The following GABRB2 variants were observed in gnomAD, a reference collection of about 807,000 sequenced individuals.
GABRB2 encodes the protein gamma-aminobutyric acid type A receptor subunit beta2, also known as gamma-aminobutyric acid receptor subunit beta-2.
In GABRB2, 16 loss-of-function variants were observed where a neutral mutation model predicts 54.7. The observed-to-expected ratio is 0.29, with a 90% CI of 0.20 to 0.44. The LOEUF is 0.44. GABRB2 is among the 20% of genes least tolerant of loss of function. GABRB2 has a pLI of 1.00. For missense variants in GABRB2, 355 were observed against 644.0 expected (o/e 0.55, Z 4.86); for synonymous variants, 244 against 233.8 (o/e 1.04, Z -0.40).
chr5:161,334,237 GA>G (rs35429555), intron 7 of GABRB2, among the ~76,000 whole-genome samples: 3,302 of 152,132 alleles, frequency 0.022, 57 homozygotes, highest in Non-Finnish European at 0.034. Flanking sequence ...GTGTTTGTTA[GA>G]AAAAAACAGC....
In GABRB2 at chr5:161,294,247, C is replaced by G. The variant is rs80241240; in HGVS notation, c.1373G>C (p.Arg458Pro). The G allele has an allele frequency of 6.2e-7, 1 of 1,614,114 alleles. No individual in the cohort carries two copies. Among genetic ancestry groups the G allele is most frequent in the South Asian group, 1.1e-5 (1 of 91,066 alleles). Residue 458 changes from arginine (R) to proline (P), a missense_variant, in exon 10 of 10, where the codon CGA becomes CCA. Arg to Pro is a moderately radical substitution (Grantham distance 103). Coordinates refer to ENST00000393959, the MANE Select transcript of GABRB2 (RefSeq NM_001371727.1). Reference protein sequence around the residue: ...RHSFGRNALERHVAQKKSRLR... With the variant: ...RHSFGRNALEPHVAQKKSRLR... ...GCGACTTTTCTTTTGCGCCACATGTCGTTCCAGAGCATTTCGGCCAAAACT... is the reference window on the plus strand; with the variant it reads ...GCGACTTTTCTTTTGCGCCACATGTGGTTCCAGAGCATTTCGGCCAAAACT...
At chr5:161,353,969 T>C (rs1192009810) in intron 5 of GABRB2, among the ~76,000 whole-genome samples, 1 of 152,070 alleles carries the variant, frequency 6.6e-6, no homozygotes, top group African/African-American at 2.4e-5. Context: ...CCAAACTACA[T>C]TATCTTTATA....
intron 5 of GABRB2, among the ~76,000 whole-genome samples, chr5:161,337,022 C>T (rs1754014276): frequency 6.6e-6 from 1 of 152,056 alleles, no homozygotes; most frequent in South Asian, 2.1e-4. Flanking sequence ...GAGAAATTAA[C>T]AGCATAGATT....
intron 5 of GABRB2, among the ~76,000 whole-genome samples, chr5:161,371,721 G>GT (rs59521505): frequency 2.8e-4 from 43 of 151,028 alleles, no homozygotes; most frequent in Middle Eastern, 3.4e-3. Context: ...AAATGTTGGG[G>GT]TTTTTTTTTA....
At chr5:161,530,615 G>T (rs914017474) in intron 3 of GABRB2, among the ~76,000 whole-genome samples, 2 of 152,164 alleles carry the variant, frequency 1.3e-5, no homozygotes, top group Admixed American at 1.3e-4. Flanking sequence ...CCTCAAAATT[G>T]CAGTCTAAGA....
At chr5:161,383,291 C>A (rs557440857) in intron 5 of GABRB2, among the ~76,000 whole-genome samples, 25 of 152,226 alleles carry the variant, frequency 1.6e-4, no homozygotes, top group East Asian at 1.2e-3. Flanking sequence ...CTGGGAATCA[C>A]CATTCTACTC....
intron 3 of GABRB2, among the ~76,000 whole-genome samples, chr5:161,482,748 G>T (rs985346457): frequency 9.9e-5 from 15 of 152,056 alleles, no homozygotes; most frequent in African/African-American, 3.6e-4. Flanking sequence ...AGTTTGACAA[G>T]GCTAATAAAA....
At chr5:161,470,251 T>A (rs1758399882) in intron 3 of GABRB2, among the ~76,000 whole-genome samples, 1 of 151,762 alleles carries the variant, frequency 6.6e-6, no homozygotes, top group Non-Finnish European at 1.5e-5. Context: ...GTTATTTAGA[T>A]GAGGGGAATA....
chr5:161,342,214 T>C (rs1443812504), intron 5 of GABRB2, among the ~76,000 whole-genome samples: 6 of 151,772 alleles, frequency 4.0e-5, no homozygotes, highest in Non-Finnish European at 8.8e-5. Flanking sequence ...TTCAGTCTTT[T>C]AAGAACCATC....
rs1757243842 is a variant in GABRB2 at position 161,291,770 on chromosome 5, G to C, written c.*2311C>G. 1 of 152,382 alleles carries C rather than the reference G, an allele frequency of 6.6e-6. No individual in the cohort carries two copies. Among genetic ancestry groups the C allele is most frequent in the South Asian group, 2.1e-4 (1 of 4,808 alleles). 9.4% of individuals were successfully genotyped at this position (152,382 alleles called of 1,614,324 possible). A position where few individuals can be genotyped will look rare whatever the true frequency, so the allele number is the denominator to read the frequency against. ...TGGCTTGTACAGTGATTGCACATAA[G>C]AGCCCACTTCTACACTTGGGCTCTG... On this transcript the variant is annotated 3_prime_UTR_variant, in exon 10 of 10. Coordinates refer to ENST00000393959, the MANE Select transcript of GABRB2 (RefSeq NM_001371727.1).
At chr5:161,494,538 C>T (rs1230783765) in intron 3 of GABRB2, among the ~76,000 whole-genome samples, 2 of 146,142 alleles carry the variant, frequency 1.4e-5, no homozygotes, top group African/African-American at 5.0e-5. Flanking sequence ...GTTAGGTATG[C>T]GTGTGTGTGT....
intron 3 of GABRB2, among the ~76,000 whole-genome samples, chr5:161,482,697 C>T (rs555758857): frequency 1.3e-5 from 2 of 152,106 alleles, no homozygotes; most frequent in Admixed American, 1.3e-4. Context: ...GCCCCTATGG[C>T]GTACAAGCCC....
At chr5:161,369,445 C>T (rs529457164) in intron 5 of GABRB2, among the ~76,000 whole-genome samples, 16 of 151,492 alleles carry the variant, frequency 1.1e-4, no homozygotes, top group East Asian at 3.9e-4. Flanking sequence ...TTTATAAAGA[C>T]GAAATTTATA....
rs73797564 is a variant in GABRB2, at chr5:161,307,598, T to C, written c.1192-13170A>G. 7.7e-3 allele frequency among the ~76,000 whole-genome samples: 1,167 copies of C among 152,260 alleles called. 15 individuals carry two copies. The highest frequency in any genetic ancestry group is 0.025 in the African/African-American group (1,047 of 41,558). On this transcript the variant is annotated intron_variant, in intron 9 of 9. Coordinates refer to ENST00000393959, the MANE Select transcript of GABRB2 (RefSeq NM_001371727.1). The stretch of plus-strand genomic sequence containing the variant: ...AGCCTTCGTTTCTTCATCTTTCAAA[T>C]GAAGTTCTATGACCTAATCTTAAAA...
intron 3 of GABRB2, among the ~76,000 whole-genome samples, chr5:161,507,731 G>A (rs1333996398): frequency 6.6e-6 from 1 of 151,976 alleles, no homozygotes; most frequent in Non-Finnish European, 1.5e-5. Flanking sequence ...ATGCAAAGTG[G>A]CCAATAGGCA....
intron 4 of GABRB2, among the ~76,000 whole-genome samples, chr5:161,417,913 T>C (rs1162933155): frequency 6.6e-6 from 1 of 152,244 alleles, no homozygotes. Context: ...CATAGTCATA[T>C]GCACTACTAC....
chr5:161,545,111 A>T, intron 3 of GABRB2, 116 bp downstream of exon 3: 21 of 574,654 alleles, frequency 3.7e-5, no homozygotes, highest in East Asian at 7.1e-5. Context: ...CCATGCTCTC[A>T]CCCCCACCTC....
At chr5:161,463,555 TTA>T (rs869302091) in intron 3 of GABRB2, among the ~76,000 whole-genome samples, 12 of 23,692 alleles carry the variant, frequency 5.1e-4, no homozygotes, top group South Asian at 5.1e-3. Flanking sequence ...ATATTTTTAT[TTA>T]TATATATATA....
intron 5 of GABRB2, among the ~76,000 whole-genome samples, chr5:161,373,876 C>T (rs917072436): frequency 6.6e-6 from 1 of 151,558 alleles, no homozygotes; most frequent in Non-Finnish European, 1.5e-5. Context: ...CCTTCTTTAC[C>T]ATCTCCTTCA....
Sources: allele counts gnomAD v4.1 joint callset (sites outside exome capture counted in the v4.1 genomes callset), GRCh38; gene constraint gnomAD v4.1.1; transcripts MANE v1.5; gene names NCBI Gene and HGNC (gene_info 2026-07-23, HGNC 2026-07-21).